Variants in ANKH observed in about 807,000 individuals in gnomAD.
ANKH encodes ANKH inorganic pyrophosphate transport regulator, also known as mineralization regulator ANKH.
Under a neutral mutation model 49.0 loss-of-function variants are expected in ANKH, and 15 were observed. The ratio of observed to expected loss-of-function variants is 0.31; its 90% CI spans 0.20 to 0.47. The LOEUF (loss-of-function observed/expected upper bound fraction) is 0.47. Ranked by LOEUF, ANKH falls within the 20% of genes least tolerant of loss-of-function variation. The pLI is 1.00. For synonymous variants in ANKH, 273 were observed against 260.0 expected, an observed-to-expected ratio of 1.05 and a Z score of -0.48; for missense variants, 429 against 652.0, an observed-to-expected ratio of 0.66 and a Z score of 3.72.
chr5:14,733,750 C>A (rs765739506), intron 8 of ANKH, among the ~76,000 whole-genome samples: 1 of 152,204 alleles, frequency 6.6e-6, no homozygotes, highest in Non-Finnish European at 1.5e-5. Flanking sequence ...TTTCAGGCCA[C>A]GGGGAAAGTG....
chr5:14,784,246 C>T (rs1267217546), intron 1 of ANKH, among the ~76,000 whole-genome samples: 1 of 152,136 alleles, frequency 6.6e-6, no homozygotes, highest in Non-Finnish European at 1.5e-5. Flanking sequence ...ACTAAAAATT[C>T]CCATGATGTG....
chr5:14,796,333 G>A (rs1740383957), intron 1 of ANKH, among the ~76,000 whole-genome samples: 1 of 151,426 alleles, frequency 6.6e-6, no homozygotes, highest in African/African-American at 2.4e-5. Context: ...TCTTATCAAG[G>A]ATTAATTTAA....
intron 8 of ANKH, among the ~76,000 whole-genome samples, chr5:14,736,870 G>A (rs1380717531): frequency 4.6e-5 from 7 of 152,186 alleles, no homozygotes; most frequent in African/African-American, 1.7e-4. Flanking sequence ...CTTAGCAGAG[G>A]CCAAGCCTGT....
chr5:14,826,644 A>G (rs975417476), intron 1 of ANKH, among the ~76,000 whole-genome samples: 4 of 152,200 alleles, frequency 2.6e-5, no homozygotes, highest in African/African-American at 7.2e-5. Flanking sequence ...GTTAGCTTTC[A>G]TTATTTTATT....
intron 7 of ANKH, among the ~76,000 whole-genome samples, chr5:14,744,383 G>C (rs543882887): frequency 1.3e-5 from 2 of 152,200 alleles, no homozygotes; most frequent in Admixed American, 6.5e-5. Flanking sequence ...TGGGTCTATC[G>C]CCCATTAGCT....
intron 1 of ANKH, chr5:14,798,346 T>G (rs1304381794): frequency 1.3e-6 from 2 of 1,563,988 alleles, no homozygotes; most frequent in Admixed American, 1.7e-5. Context: ...TTGTATTCCT[T>G]GTTGATCACT....
chr5:14,751,328 A>G lies in ANKH; in HGVS notation c.517-89T>C, dbSNP rs1738710730. The G allele has an allele frequency of 6.7e-6, 9 of 1,339,382 alleles. No individual in the cohort carries two copies. The South Asian group carries it at 9.7e-5, about 15-fold the overall frequency. The allele number at this position is 1,339,382 out of a possible 1,614,324, so 83.0% of individuals were successfully genotyped here. ...AGGGGCACGCTCTTGAACCTGAGAC[A>G]GACCTCTGAGCAAAGATCTTGACTT... On this transcript the variant is annotated intron_variant, in intron 4 of 11. Coordinates refer to ENST00000284268, the MANE Select transcript of ANKH (RefSeq NM_054027.6).
intron 1 of ANKH, among the ~76,000 whole-genome samples, chr5:14,842,375 C>T (rs1181168127): frequency 6.6e-6 from 1 of 152,152 alleles, no homozygotes; most frequent in Non-Finnish European, 1.5e-5. Context: ...CAGAGACCTG[C>T]TCTGACCAAG....
intron 1 of ANKH, among the ~76,000 whole-genome samples, chr5:14,816,860 T>C (rs569095632): frequency 2.2e-4 from 34 of 152,090 alleles, no homozygotes; most frequent in Non-Finnish European, 3.8e-4. Flanking sequence ...AGAAAAACAC[T>C]CATTTGGGAT....
At chr5:14,809,847 G>A (rs555614448) in intron 1 of ANKH, among the ~76,000 whole-genome samples, 4 of 152,128 alleles carry the variant, frequency 2.6e-5, no homozygotes, top group South Asian at 4.2e-4. Flanking sequence ...AGTCAGCCCC[G>A]TCTCGGTGTG....
chr5:14,718,066 GTC>G (rs1737537923), intron 8 of ANKH, among the ~76,000 whole-genome samples: 1 of 152,152 alleles, frequency 6.6e-6, no homozygotes, highest in Non-Finnish European at 1.5e-5. Context: ...ACTGGAAATG[GTC>G]TCTGAGGAAT....
chr5:14,819,896 AAT>A (rs1442592831), intron 1 of ANKH, among the ~76,000 whole-genome samples: 19 of 96,296 alleles, frequency 2.0e-4, no homozygotes, highest in African/African-American at 7.4e-4. Context: ...CAACAACAAA[AAT>A]ATACACACAC....
At chr5:14,769,709 ATGCTATGAAAAAAGGTAC>A (rs1304330446) in intron 1 of ANKH, among the ~76,000 whole-genome samples, 1 of 152,054 alleles carries the variant, frequency 6.6e-6, no homozygotes, top group African/African-American at 2.4e-5. Context: ...GCAGAGCTCT[ATGCTATGAAAAAAGGTAC>A]TGAAAGAATT....
chr5:14,748,177 C>T (rs925678239), intron 6 of ANKH, among the ~76,000 whole-genome samples: 6 of 152,086 alleles, frequency 3.9e-5, no homozygotes, highest in Non-Finnish European at 8.8e-5. Flanking sequence ...CTGAAGTATT[C>T]AAGAACAAAA....
intron 8 of ANKH, among the ~76,000 whole-genome samples, chr5:14,731,807 G>A (rs961799182): frequency 6.6e-6 from 1 of 152,222 alleles, no homozygotes; most frequent in African/African-American, 2.4e-5. Context: ...GCTGCACTAG[G>A]GAAAGTGATG....
intron 1 of ANKH, among the ~76,000 whole-genome samples, chr5:14,781,696 GA>G (rs554999379): frequency 2.1e-3 from 326 of 152,268 alleles, no homozygotes; most frequent in African/African-American, 7.4e-3. Flanking sequence ...CTCAATTCAA[GA>G]TGGTAGAAGG....
intron 1 of ANKH, among the ~76,000 whole-genome samples, chr5:14,789,164 G>T (rs1002733636): frequency 3.9e-5 from 6 of 152,054 alleles, no homozygotes; most frequent in Non-Finnish European, 7.4e-5. Flanking sequence ...GGAGGCAGAG[G>T]TTATAATGAG....
chr5:14,778,831 G>A (rs980915882), intron 1 of ANKH, among the ~76,000 whole-genome samples: 1 of 152,074 alleles, frequency 6.6e-6, no homozygotes, highest in African/African-American at 2.4e-5. Flanking sequence ...ATTCTACTTG[G>A]GCTTTGAGAG....
At chr5:14,750,959 G>T in intron 5 of ANKH, 110 bp downstream of exon 5, 2 of 1,399,400 alleles carry the variant, frequency 1.4e-6, no homozygotes, top group Non-Finnish European at 2.0e-6. Context: ...ATGACATCCT[G>T]GCCAACTTCA....
Sources: allele counts gnomAD v4.1 joint callset (sites outside exome capture counted in the v4.1 genomes callset), GRCh38; gene constraint gnomAD v4.1.1; transcripts MANE v1.5; gene names NCBI Gene and HGNC (gene_info 2026-07-23, HGNC 2026-07-21).